SGCD: variants seen among roughly 807,000 people sequenced by gnomAD.
The protein encoded by SGCD is sarcoglycan delta, also known as delta-sarcoglycan.
A neutral mutation model predicts 36.6 loss-of-function variants in SGCD; 18 were observed. The observed-to-expected ratio is 0.49, with a 90% CI of 0.34 to 0.73. The LOEUF (loss-of-function observed/expected upper bound fraction) is 0.73, where lower values mean the gene tolerates loss of function less well. SGCD is among the 30% of genes least tolerant of loss of function. SGCD has a pLI of 0.01. For missense variants in SGCD, 387 were observed against 346.7 expected, an observed-to-expected ratio of 1.12 and a Z score of -0.92; for synonymous variants, 133 against 130.6, an observed-to-expected ratio of 1.02 and a Z score of -0.12.
At position 156,272,343 on chromosome 5, in the gene SGCD, G is replaced by T. The variant is rs568007118; in HGVS notation, c.-43-57191G>T. 6.6e-5 allele frequency among the ~76,000 whole-genome samples: 10 copies of T among 152,302 alleles called. No homozygotes were observed. The South Asian group carries it at 1.9e-3, about 28-fold the overall frequency. ...CATCTCCATTCAAGTTACTGCAAAA[G>T]ACATTACGTCATTCCTTTCTATGGC... On this transcript the variant is annotated intron_variant, in intron 3 of 9. Coordinates refer to the SGCD transcript ENST00000517913.
chr5:156,415,262 A>G (rs111664349), intron 3 of SGCD, among the ~76,000 whole-genome samples: 2 of 152,206 alleles, frequency 1.3e-5, no homozygotes, highest in African/African-American at 4.8e-5. Context: ...TCCGCAACCC[A>G]GATTTTGCAT....
the SGCD span, among the ~76,000 whole-genome samples, chr5:155,863,758 T>C: frequency 4.9e-4 from 74 of 152,032 alleles, 1 homozygote; most frequent in South Asian, 0.014. Context: ...CAGAAAGATA[T>C]CTCTTTCCTT....
In SGCD at chr5:156,175,688, A is replaced by C. The variant is rs73300651; in HGVS notation, c.-44+51669A>C. Reference sequence around the variant, plus strand: ...GGAGTCAGTAACTACTTGTGCATAAAAGAAAAATGGAAATATACTCCAAAT... The same window carrying C: ...GGAGTCAGTAACTACTTGTGCATAACAGAAAAATGGAAATATACTCCAAAT... On this transcript the variant is annotated intron_variant, in intron 3 of 9. Coordinates refer to the SGCD transcript ENST00000517913. Among the ~76,000 whole-genome samples the C allele has an allele frequency of 4.1e-3, 632 of 152,362 alleles. 6 individuals are homozygous for C. Among genetic ancestry groups the C allele is most frequent in the African/African-American group, 0.015 (607 of 41,598 alleles).
chr5:156,731,395 A>G lies in SGCD; in HGVS notation c.576-26186A>G, dbSNP rs141292562. On this transcript the variant is annotated intron_variant, in intron 7 of 8. Coordinates refer to ENST00000337851, the MANE Select transcript of SGCD (RefSeq NM_000337.6). ...GGTTTCACATTTAAGTCTTTAATCC[A>G]TCTTGAGTGAATTTTTGTGTATGAT... is the stretch of plus-strand genomic sequence containing the variant. Among the ~76,000 whole-genome samples, 1,374 of 152,286 alleles carry G rather than the reference A, an allele frequency of 9.0e-3. 7 individuals carry two copies. Among genetic ancestry groups the G allele is most frequent in the Non-Finnish European group, 0.012 (787 of 68,020 alleles).
intron 4 of SGCD, among the ~76,000 whole-genome samples, chr5:156,576,916 T>A (rs1759984248): frequency 6.6e-6 from 1 of 152,192 alleles, no homozygotes; most frequent in South Asian, 2.1e-4. Flanking sequence ...AGCTCTTTAG[T>A]TTAATTTTTT....
chr5:156,664,851 C>G (rs1364809830), intron 7 of SGCD, among the ~76,000 whole-genome samples: 4 of 139,560 alleles, frequency 2.9e-5, no homozygotes, highest in Non-Finnish European at 6.1e-5. Context: ...TCGAAAAAGA[C>G]TTGTATCTGG....
intron 3 of SGCD, among the ~76,000 whole-genome samples, chr5:156,492,065 A>C (rs1362222476): frequency 6.6e-6 from 1 of 152,142 alleles, no homozygotes. Flanking sequence ...TATGTCCTCT[A>C]AAAAAGAGAG....
At chr5:156,647,033 C>T (rs902517961) in intron 6 of SGCD, among the ~76,000 whole-genome samples, 2 of 152,130 alleles carry the variant, frequency 1.3e-5, no homozygotes, top group Non-Finnish European at 2.9e-5. Context: ...CACTGTTCTA[C>T]CATCTAACCC....
At chr5:155,989,841 A>T (rs993638603) in intron 1 of SGCD, among the ~76,000 whole-genome samples, 17 of 152,222 alleles carry the variant, frequency 1.1e-4, no homozygotes, top group African/African-American at 4.1e-4. Context: ...TGGGCTGGGC[A>T]CATATAATAC....
the SGCD span, among the ~76,000 whole-genome samples, chr5:155,767,612 G>A: frequency 6.6e-6 from 1 of 152,166 alleles, no homozygotes; most frequent in African/African-American, 2.4e-5. Flanking sequence ...TTGGCAGGAA[G>A]TACAGTGGAG....
intron 7 of SGCD, among the ~76,000 whole-genome samples, chr5:156,700,477 T>C (rs1013681674): frequency 1.1e-4 from 17 of 152,166 alleles, no homozygotes; most frequent in Non-Finnish European, 2.9e-5. Flanking sequence ...GTTACCAGGA[T>C]AAACTGGCCA....
intron 1 of SGCD, among the ~76,000 whole-genome samples, chr5:156,115,741 G>A (rs1302163096): frequency 6.6e-6 from 1 of 151,744 alleles, no homozygotes; most frequent in Non-Finnish European, 1.5e-5. Context: ...TATTTTTCTT[G>A]TAATTTATAC....
intron 4 of SGCD, among the ~76,000 whole-genome samples, chr5:156,576,042 T>C (rs1441916319): frequency 6.6e-6 from 1 of 152,108 alleles, no homozygotes; most frequent in African/African-American, 2.4e-5. Context: ...GTCATTTACA[T>C]TAGGTATTTC....
intron 1 of SGCD, among the ~76,000 whole-genome samples, chr5:156,045,405 A>G (rs902935052): frequency 6.6e-5 from 10 of 151,974 alleles, no homozygotes; most frequent in African/African-American, 2.2e-4. Context: ...TTTTTATCTC[A>G]TTTAATACCC....
In SGCD at chr5:156,634,635, C is replaced by T. The variant is rs548807991; in HGVS notation, c.503-12829C>T. 8.5e-5 allele frequency among the ~76,000 whole-genome samples: 13 copies of T among 152,114 alleles called. No homozygotes were observed. In the South Asian group the frequency reaches 1.9e-3, roughly 22 times the overall value. Reference sequence around the variant, plus strand: ...CTCAGGGGATGGATGGAATACAAAACGGGTAGCATGAGGGAATTTTTGGAG... The same window carrying T: ...CTCAGGGGATGGATGGAATACAAAATGGGTAGCATGAGGGAATTTTTGGAG... On this transcript the variant is annotated intron_variant, in intron 6 of 8. Coordinates refer to ENST00000337851, the MANE Select transcript of SGCD (RefSeq NM_000337.6).
At chr5:156,707,437 A>G (rs1236816780) in intron 7 of SGCD, among the ~76,000 whole-genome samples, 1 of 152,200 alleles carries the variant, frequency 6.6e-6, no homozygotes, top group Non-Finnish European at 1.5e-5. Flanking sequence ...ATCAGATCTT[A>G]CTACCAGACC....
At chr5:156,324,840 A>C (rs1418454898), upstream of SGCD, among the ~76,000 whole-genome samples, 1 of 152,058 alleles carries the variant, frequency 6.6e-6, no homozygotes, top group East Asian at 1.9e-4. Flanking sequence ...GCTCTCAAAG[A>C]CTGTGGAACC....
intron 1 of SGCD, among the ~76,000 whole-genome samples, chr5:155,969,797 GT>G (rs1326429507): frequency 6.6e-6 from 1 of 152,040 alleles, no homozygotes; most frequent in Non-Finnish European, 1.5e-5. Context: ...CATCAATATT[GT>G]TTAGAAAATC....
the SGCD span, among the ~76,000 whole-genome samples, chr5:155,856,915 T>A: frequency 1.3e-5 from 2 of 152,264 alleles, no homozygotes; most frequent in South Asian, 2.1e-4. Flanking sequence ...TGCAACCACT[T>A]CGAAAACAGC....
Sources: gnomAD v4.1 joint callset for allele counts (sites outside exome capture counted in the v4.1 genomes callset) on GRCh38, gnomAD v4.1.1 for gene constraint, MANE v1.5 for transcripts, NCBI Gene and HGNC (gene_info 2026-07-23, HGNC 2026-07-21) for gene names.